C2: variants seen among roughly 807,000 people sequenced by gnomAD.
C2 encodes the protein C3/C5 convertase.
Under a neutral mutation model 85.2 loss-of-function variants are expected in C2, and 64 were observed. The ratio of observed to expected loss-of-function variants is 0.75; its 90% CI spans 0.61 to 0.92. The LOEUF (loss-of-function observed/expected upper bound fraction) is 0.92. Ranked by LOEUF, C2 falls within the 40% of genes least tolerant of loss-of-function variation. The pLI is 0.00. For synonymous variants in C2, 311 were observed against 370.8 expected (o/e 0.84, Z 1.85); for missense variants, 820 against 971.6 (o/e 0.84, Z 2.07).
In C2 at chr6:31,945,284, A is replaced by C; in HGVS notation, c.2186A>C (p.His729Pro). The C allele has an allele frequency of 8.1e-6, 13 of 1,612,926 alleles. No individual in the cohort carries two copies. The highest frequency in any genetic ancestry group is 1.1e-5 in the Non-Finnish European group (13 of 1,179,998). ...AAGGTCCCGCCGCCACGAGACTTTCACATCAATCTCTTCCGCATGCAGCCC... is the reference window on the plus strand; with the variant it reads ...AAGGTCCCGCCGCCACGAGACTTTCCCATCAATCTCTTCCGCATGCAGCCC... ...RSKVPPPRDFHINLFRMQPWL... is the reference protein window; with the variant it reads ...RSKVPPPRDFPINLFRMQPWL... The change falls in exon 18 of 18, where the codon CAC becomes CCC. Residue 729 changes from histidine to proline, a missense_variant. Physicochemically the swap from His to Pro is moderately conservative, Grantham distance 77. Transcript: ENST00000299367. This position sits in a 1 kb window ranked among gnomAD's most constrained non-coding sequence, Gnocchi z 5.3.
chr6:31,902,235 C>T (rs1304875679), intron 1 of C2, among the ~76,000 whole-genome samples: 1 of 151,634 alleles, frequency 6.6e-6, no homozygotes, highest in African/African-American at 2.4e-5. Flanking sequence ...CCACACCCCC[C>T]TCTTTCTCGC....
chr6:31,900,457 T>A, upstream of C2: 1 of 1,583,042 alleles, frequency 6.3e-7, no homozygotes, highest in Non-Finnish European at 8.6e-7. This position sits in a 1 kb window ranked among gnomAD's most constrained non-coding sequence, Gnocchi z 9.7. Flanking sequence ...TGGCCCGGCC[T>A]CCGGGAATCA....
Position 31,944,578 on chromosome 6 carries a change from GCC to G in C2, c.1903-148_1903-147del. ...GTATTTTTAGTAGAGACGGGATTTC[GCC>G]ATGTTGGCCAGGATGGTCTTGAACT... On this transcript the variant is annotated intron_variant, in intron 15 of 17. Coordinates refer to ENST00000299367, the MANE Select transcript of C2 (RefSeq NM_000063.6). This position sits in a 1 kb window ranked among gnomAD's most constrained non-coding sequence, Gnocchi z 5.1. 1.1e-6 allele frequency: 1 copy of G among 876,852 alleles called. No homozygotes were observed. Among genetic ancestry groups the G allele is most frequent in the South Asian group, 1.4e-5 (1 of 73,902 alleles). 54.3% of individuals were successfully genotyped at this position (876,852 alleles called of 1,614,324 possible). A position where few individuals can be genotyped will look rare whatever the true frequency, so the allele number is the denominator to read the frequency against.
chr6:31,900,625 T>G, upstream of C2: 2 of 1,612,736 alleles, frequency 1.2e-6, no homozygotes, highest in Non-Finnish European at 1.7e-6. This position sits in a 1 kb window ranked among gnomAD's most constrained non-coding sequence, Gnocchi z 9.7. Context: ...CTCCCAGGCC[T>G]CCAGGGGGTT....
chr6:31,928,976 G>A, intron 3 of C2, 59 bp downstream of exon 3: 4 of 1,468,698 alleles, frequency 2.7e-6, no homozygotes, highest in South Asian at 2.5e-5. Context: ...GAACCCTGGG[G>A]CCCAATGTGC....
upstream of C2, among the ~76,000 whole-genome samples, chr6:31,923,915 T>C (rs560601046): frequency 1.1e-3 from 167 of 152,158 alleles, no homozygotes; most frequent in Non-Finnish European, 1.5e-3. Context: ...TTCTCCTGCC[T>C]CAGCCTCCCG....
chr6:31,900,515 T>C, upstream of C2: 1 of 1,611,438 alleles, frequency 6.2e-7, no homozygotes, highest in Non-Finnish European at 8.5e-7. This position sits in a 1 kb window ranked among gnomAD's most constrained non-coding sequence, Gnocchi z 9.7. Context: ...ATAGCAGGCC[T>C]TCACCACACC....
In C2 at chr6:31,944,642, A is replaced by G; in HGVS notation, c.1903-85A>G. ...GTGATCTGCCTGCCTCAACCTCCCA[A>G]AGTGCTGAGATTACAGGCGTGAGCC... On this transcript the variant is annotated intron_variant, in intron 15 of 17. Coordinates refer to ENST00000299367, the MANE Select transcript of C2 (RefSeq NM_000063.6). This position sits in a 1 kb window ranked among gnomAD's most constrained non-coding sequence, Gnocchi z 5.1. 1.4e-6 allele frequency: 2 copies of G among 1,479,986 alleles called. No homozygotes were observed. Among genetic ancestry groups the G allele is most frequent in the African/African-American group, 1.4e-5 (1 of 72,130 alleles). The allele number at this position is 1,479,986 out of a possible 1,614,324, so 91.7% of individuals were successfully genotyped here.
rs746963737 is a variant in C2 at position 31,935,985 on chromosome 6, C to G, written c.912C>G (p.Val304=). Residue 304 remains valine (V), a synonymous_variant, in exon 7 of 18, where the codon GTC becomes GTG. Transcript: ENST00000299367. This position sits in a 1 kb window ranked among gnomAD's most constrained non-coding sequence, Gnocchi z 4.3. ...TCACCTTTGCCTCAGAGCCCAAAGTCCTCATGTCTGTCCTGAACGACAACT... is the reference window on the plus strand; with the variant it reads ...TCACCTTTGCCTCAGAGCCCAAAGTGCTCATGTCTGTCCTGAACGACAACT... The part of the protein sequence containing the change: ...AIITFASEPK[V]LMSVLNDNSR... The G allele has an allele frequency of 6.2e-7, 1 of 1,613,044 alleles. No homozygotes were observed. Among genetic ancestry groups the G allele is most frequent in the Non-Finnish European group, 8.5e-7 (1 of 1,180,010 alleles).
intron 1 of C2, among the ~76,000 whole-genome samples, chr6:31,912,430 C>G (rs1026863171): frequency 6.6e-5 from 10 of 152,206 alleles, no homozygotes; most frequent in African/African-American, 2.4e-4. Flanking sequence ...TCTATAATTT[C>G]AGTCTGTTCT....
intron 8 of C2, among the ~76,000 whole-genome samples, chr6:31,938,462 AT>A (rs1770607014): frequency 6.9e-6 from 1 of 145,914 alleles, no homozygotes. Context: ...GTATGTATAT[AT>A]ATATATATGT....
intron 1 of C2, among the ~76,000 whole-genome samples, chr6:31,910,737 T>TG (rs1768037398): frequency 6.6e-6 from 1 of 151,898 alleles, no homozygotes; most frequent in African/African-American, 2.4e-5. Flanking sequence ...CCCAGCACTT[T>TG]GGGAGGCTGA....
chr6:31,903,049 C>T (rs972950382), intron 1 of C2, among the ~76,000 whole-genome samples: 1 of 152,154 alleles, frequency 6.6e-6, no homozygotes, highest in Non-Finnish European at 1.5e-5. Context: ...AAGTTATAGT[C>T]TCCACAGCTT....
At chr6:31,923,689 C>T (rs1309865122), upstream of C2, among the ~76,000 whole-genome samples, 1 of 150,320 alleles carries the variant, frequency 6.7e-6, no homozygotes, top group Non-Finnish European at 1.5e-5. Context: ...CAGGGTTTCA[C>T]CATGTTAGCC....
At chr6:31,899,360 C>T (rs186377601), upstream of C2, among the ~76,000 whole-genome samples, 2 of 149,414 alleles carry the variant, frequency 1.3e-5, no homozygotes, top group Non-Finnish European at 3.0e-5. Flanking sequence ...TTACTTTGTT[C>T]TCCCTCAAAT....
At chr6:31,917,979 A>T (rs982134670), upstream of C2, among the ~76,000 whole-genome samples, 1 of 152,114 alleles carries the variant, frequency 6.6e-6, no homozygotes, top group Non-Finnish European at 1.5e-5. Flanking sequence ...GAAATATTTT[A>T]AAATGAAAAA....
At position 31,927,909 on chromosome 6, in the gene C2, TCTTC is replaced by T; in HGVS notation, c.47-41_47-38del. The stretch of plus-strand genomic sequence containing the variant: ...TTTTGCTTTCCTTTTCTCATCTGTG[TCTTC>T]CTTCTTTCTCCATTGCTGTCTCCTT... On this transcript the variant is annotated intron_variant, in intron 1 of 17. Coordinates refer to ENST00000299367, the MANE Select transcript of C2 (RefSeq NM_000063.6). The surrounding 1 kb of genome is among the most constrained non-coding windows in gnomAD (Gnocchi z 4.7). 2 of 1,597,204 alleles carry T rather than the reference TCTTC, an allele frequency of 1.3e-6. No homozygotes were observed. Among genetic ancestry groups the T allele is most frequent in the Non-Finnish European group, 1.7e-6 (2 of 1,164,524 alleles).
chr6:31,907,567 C>A (rs1002259151), intron 1 of C2, among the ~76,000 whole-genome samples: 1 of 108,268 alleles, frequency 9.2e-6, no homozygotes. Flanking sequence ...TGGGTGATGG[C>A]GCAAGACCCT....
intron 3 of C2, among the ~76,000 whole-genome samples, chr6:31,929,363 G>T (rs1344449878): frequency 1.3e-5 from 2 of 152,174 alleles, no homozygotes; most frequent in Non-Finnish European, 2.9e-5. Flanking sequence ...CCATCTGTAA[G>T]ACAAGGATAG....
Sources: allele counts gnomAD v4.1 joint callset (sites outside exome capture counted in the v4.1 genomes callset), GRCh38; gene constraint gnomAD v4.1.1; non-coding constraint Gnocchi (gnomAD v3.1); transcripts MANE v1.5; gene names NCBI Gene and HGNC (gene_info 2026-07-23, HGNC 2026-07-21).